Variants in GSK3B observed in about 807,000 individuals in gnomAD.
GSK3B encodes the protein glycogen synthase kinase-3 beta.
Under a neutral mutation model 56.4 loss-of-function variants are expected in GSK3B, and 15 were observed. That is an observed-to-expected ratio of 0.27 (90% CI 0.18 to 0.41). The LOEUF (loss-of-function observed/expected upper bound fraction) is 0.41, where lower values mean the gene tolerates loss of function less well. Among genes scored for constraint, GSK3B ranks in the 10% least tolerant of loss-of-function variants. The pLI, the probability that GSK3B is intolerant of heterozygous loss-of-function variation, is 1.00. For missense variants in GSK3B, 300 were observed against 513.4 expected (o/e 0.58, Z 4.02); for synonymous variants, 181 against 188.9 (o/e 0.96, Z 0.34).
intron 8 of GSK3B, among the ~76,000 whole-genome samples, chr3:119,868,267 A>G (rs893404734): frequency 6.6e-6 from 1 of 152,092 alleles, no homozygotes; most frequent in Admixed American, 6.5e-5. Flanking sequence ...ACAAATATCA[A>G]CTCCCATCAC....
At chr3:119,827,199 C>T (rs1177257839) in intron 10 of GSK3B, among the ~76,000 whole-genome samples, 2 of 152,120 alleles carry the variant, frequency 1.3e-5, no homozygotes, top group African/African-American at 4.8e-5. Flanking sequence ...ATGAACAGTG[C>T]ACAGCTGGGA....
At chr3:120,037,712 A>C (rs187064972) in intron 1 of GSK3B, among the ~76,000 whole-genome samples, 282 of 152,080 alleles carry the variant, frequency 1.9e-3, no homozygotes, top group Non-Finnish European at 3.3e-3. Flanking sequence ...AATGGTATTT[A>C]GTGGTTTCAG....
intron 6 of GSK3B, among the ~76,000 whole-genome samples, chr3:119,910,754 C>A (rs1162472008): frequency 6.6e-6 from 1 of 152,194 alleles, no homozygotes; most frequent in Non-Finnish European, 1.5e-5. Flanking sequence ...GTCCTCTCAA[C>A]CCCTGCTGCT....
At chr3:120,067,865 T>C (rs574424022) in intron 1 of GSK3B, among the ~76,000 whole-genome samples, 33 of 152,194 alleles carry the variant, frequency 2.2e-4, no homozygotes, top group African/African-American at 6.7e-4. Context: ...AGCAACCAAA[T>C]GCTACGGACC....
chr3:120,065,869 T>C (rs1393614380), intron 1 of GSK3B, among the ~76,000 whole-genome samples: 4 of 152,062 alleles, frequency 2.6e-5, no homozygotes, highest in African/African-American at 7.2e-5. Flanking sequence ...TCACATAAAG[T>C]ATGATTCCAT....
chr3:119,902,546 G>A (rs1029382829), intron 7 of GSK3B, among the ~76,000 whole-genome samples: 7 of 151,984 alleles, frequency 4.6e-5, no homozygotes, highest in Admixed American at 2.0e-4. Flanking sequence ...ACAGGTGTGC[G>A]CCATGGCACC....
intron 9 of GSK3B, among the ~76,000 whole-genome samples, chr3:119,859,537 A>G (rs1390844517): frequency 6.6e-6 from 1 of 152,158 alleles, no homozygotes; most frequent in Non-Finnish European, 1.5e-5. Context: ...ATTCTAGAAC[A>G]CTTGCTTTTG....
chr3:119,875,274 A>G (rs2056297692), intron 8 of GSK3B, among the ~76,000 whole-genome samples: 1 of 152,058 alleles, frequency 6.6e-6, no homozygotes, highest in Non-Finnish European at 1.5e-5. Context: ...AACTGGAATC[A>G]TAATATATCT....
In GSK3B at chr3:120,094,261, C is replaced by T. The variant is rs2058544153; in HGVS notation, c.-827G>A. ...CGCGGCAACAGCTCGGCCGCCCTCC[C>T]GCCCCTCGGCTCTGCTCGGTGCCCG... is the stretch of plus-strand genomic sequence containing the variant. On this transcript the variant is annotated 5_prime_UTR_variant, in exon 1 of 11. Transcript: ENST00000264235. 8.9e-6 allele frequency: 2 copies of T among 225,112 alleles called. No homozygotes were observed. The highest frequency in any genetic ancestry group is 6.4e-5 in the East Asian group (1 of 15,504). The allele number at this position is 225,112 out of a possible 1,614,324, so 13.9% of individuals were successfully genotyped here. A position where few individuals can be genotyped will look rare whatever the true frequency, so the allele number is the denominator to read the frequency against.
chr3:120,045,779 C>A (rs143627642), intron 1 of GSK3B, among the ~76,000 whole-genome samples: 2 of 152,258 alleles, frequency 1.3e-5, no homozygotes, highest in African/African-American at 4.8e-5. Context: ...AAAGTGAACA[C>A]AAATGTTTAC....
intron 3 of GSK3B, among the ~76,000 whole-genome samples, chr3:119,931,836 C>CA (rs926777584): frequency 4.7e-4 from 72 of 151,978 alleles, no homozygotes; most frequent in Non-Finnish European, 8.5e-4. Flanking sequence ...TAGAAACTTC[C>CA]AAAAAAATTA....
intron 3 of GSK3B, among the ~76,000 whole-genome samples, chr3:119,936,324 A>T (rs989969319): frequency 7.0e-5 from 10 of 143,766 alleles, no homozygotes; most frequent in South Asian, 2.1e-4. Context: ...TAAAAATATA[A>T]ATATATATAA....
intron 2 of GSK3B, among the ~76,000 whole-genome samples, chr3:119,974,048 T>C (rs988270606): frequency 1.3e-5 from 2 of 152,224 alleles, no homozygotes; most frequent in Non-Finnish European, 2.9e-5. Context: ...TCCTTGGGTT[T>C]GGTGGTGACT....
chr3:120,053,308 G>A (rs994081411), intron 1 of GSK3B, among the ~76,000 whole-genome samples: 2 of 152,102 alleles, frequency 1.3e-5, no homozygotes, highest in Non-Finnish European at 2.9e-5. Flanking sequence ...CTACACTCCA[G>A]CCTGGGCGAC....
intron 10 of GSK3B, among the ~76,000 whole-genome samples, chr3:119,838,985 C>T (rs1179112229): frequency 6.6e-6 from 1 of 152,178 alleles, no homozygotes; most frequent in African/African-American, 2.4e-5. Flanking sequence ...AAGCAGTTCC[C>T]TCAGTGTTAA....
Position 119,821,529 on chromosome 3 carries a change from T to C in GSK3B, c.*5259A>G, listed in dbSNP as rs2055408301. 1 of 152,252 alleles carries C rather than the reference T, an allele frequency of 6.6e-6. No homozygotes were observed. The highest frequency in any genetic ancestry group is 1.5e-5 in the Non-Finnish European group (1 of 68,054). 9.4% of individuals were successfully genotyped at this position (152,252 alleles called of 1,614,324 possible). A position where few individuals can be genotyped will look rare whatever the true frequency, so the allele number is the denominator to read the frequency against. The stretch of plus-strand genomic sequence containing the variant: ...GGTTACCTGGGAGGTACAGCCCCAC[T>C]GTTCGTGGTGTCCATATATTTTACA... On this transcript the variant is annotated 3_prime_UTR_variant, in exon 11 of 11. Transcript: ENST00000264235.
At chr3:119,929,904 A>T (rs1261477299) in intron 3 of GSK3B, among the ~76,000 whole-genome samples, 1 of 117,444 alleles carries the variant, frequency 8.5e-6, no homozygotes, top group South Asian at 2.4e-4. Flanking sequence ...TCTGCCTCAA[A>T]AAAAAAAAAA....
At chr3:119,853,723 G>C (rs1041919925) in intron 9 of GSK3B, among the ~76,000 whole-genome samples, 4 of 152,168 alleles carry the variant, frequency 2.6e-5, no homozygotes, top group Non-Finnish European at 4.4e-5. Context: ...CTCTCTGTTT[G>C]TCTGTTATTG....
At chr3:120,070,357 G>A (rs1346848553) in intron 1 of GSK3B, among the ~76,000 whole-genome samples, 1 of 151,608 alleles carries the variant, frequency 6.6e-6, no homozygotes. Flanking sequence ...AATAACAGCA[G>A]CTAAGATTAC....
Sources: allele counts gnomAD v4.1 joint callset (sites outside exome capture counted in the v4.1 genomes callset), GRCh38; gene constraint gnomAD v4.1.1; transcripts MANE v1.5; gene names NCBI Gene and HGNC (gene_info 2026-07-23, HGNC 2026-07-21).